Variants in GAS7 observed in about 807,000 individuals in gnomAD.
GAS7 encodes growth arrest-specific protein 7.
A neutral mutation model predicts 71.1 loss-of-function variants in GAS7; 28 were observed. The ratio of observed to expected loss-of-function variants is 0.39; its 90% CI spans 0.29 to 0.54. The LOEUF (loss-of-function observed/expected upper bound fraction) is 0.54, where lower values mean the gene tolerates loss of function less well. Among genes scored for constraint, GAS7 ranks in the 20% least tolerant of loss-of-function variants. The pLI is 0.62. For synonymous variants in GAS7, 258 were observed against 245.8 expected, an observed-to-expected ratio of 1.05 and a Z score of -0.46; for missense variants, 436 against 627.8, an observed-to-expected ratio of 0.69 and a Z score of 3.27.
At chr17:10,154,529 C>T (rs2074190334) in intron 1 of GAS7, among the ~76,000 whole-genome samples, 2 of 151,710 alleles carry the variant, frequency 1.3e-5, no homozygotes, top group African/African-American at 4.8e-5. Context: ...AAAAAATTCA[C>T]AGGCCAGGCA....
intron 1 of GAS7, among the ~76,000 whole-genome samples, chr17:10,135,280 C>T (rs995615187): frequency 2.0e-5 from 3 of 152,164 alleles, no homozygotes; most frequent in Non-Finnish European, 2.9e-5. Flanking sequence ...AATGACCTGG[C>T]GCAGTGGTGG....
intron 1 of GAS7, among the ~76,000 whole-genome samples, chr17:10,044,826 G>A (rs11867661): frequency 0.02 from 3,051 of 151,738 alleles, 97 homozygotes; most frequent in African/African-American, 0.068. Context: ...AGGCCGAGGC[G>A]GGCGGATCAT....
chr17:9,938,706 T>G (rs893036881), intron 8 of GAS7, among the ~76,000 whole-genome samples: 4 of 151,978 alleles, frequency 2.6e-5, no homozygotes, highest in African/African-American at 9.7e-5. Flanking sequence ...TGGGACATCT[T>G]GTGGCAGCCC....
intron 4 of GAS7, among the ~76,000 whole-genome samples, chr17:9,966,554 C>T (rs896720173): frequency 2.6e-5 from 4 of 152,170 alleles, no homozygotes; most frequent in African/African-American, 4.8e-5. Context: ...TGAATCTACT[C>T]GTCTGCATGC....
intron 2 of GAS7, among the ~76,000 whole-genome samples, chr17:10,016,298 T>C (rs1474113291): frequency 7.0e-6 from 1 of 142,406 alleles, no homozygotes. Flanking sequence ...GGCAGGAGAA[T>C]GGCATGAACC....
chr17:9,920,222 T>G (rs892521393), intron 11 of GAS7, among the ~76,000 whole-genome samples: 1 of 151,650 alleles, frequency 6.6e-6, no homozygotes, highest in Non-Finnish European at 1.5e-5. Flanking sequence ...CACTGCAAGA[T>G]GTCCTTCTGA....
At chr17:10,037,027 G>A (rs1415908429) in intron 1 of GAS7, among the ~76,000 whole-genome samples, 1 of 152,192 alleles carries the variant, frequency 6.6e-6, no homozygotes, top group Non-Finnish European at 1.5e-5. Flanking sequence ...GTGAACCCAA[G>A]GCCAGATAAA....
At chr17:10,070,229 T>C (rs1171858463) in intron 1 of GAS7, among the ~76,000 whole-genome samples, 1 of 152,056 alleles carries the variant, frequency 6.6e-6, no homozygotes, top group East Asian at 1.9e-4. Flanking sequence ...CTCTCATTCA[T>C]TCTCATTTAT....
At chr17:10,132,825 G>A (rs1006366949) in intron 1 of GAS7, among the ~76,000 whole-genome samples, 27 of 152,100 alleles carry the variant, frequency 1.8e-4, no homozygotes, top group Admixed American at 1.7e-3. Flanking sequence ...GGCTGGGGGA[G>A]GGGCTTCATT....
At chr17:10,126,113 C>A (rs564593921) in intron 1 of GAS7, among the ~76,000 whole-genome samples, 1 of 152,298 alleles carries the variant, frequency 6.6e-6, no homozygotes, top group Non-Finnish European at 1.5e-5. Context: ...TATTTGGGTT[C>A]CCTGGCCACC....
intron 1 of GAS7, among the ~76,000 whole-genome samples, chr17:10,132,761 TA>T (rs57494644): frequency 0.95 from 142,714 of 150,598 alleles, 67,904 homozygotes; most frequent in Middle Eastern, 0.98. Flanking sequence ...CTGTCTCAAC[TA>T]AAAAAAAAAA....
chr17:10,009,017 A>C (rs546927317), intron 2 of GAS7, among the ~76,000 whole-genome samples: 1 of 152,306 alleles, frequency 6.6e-6, no homozygotes, highest in East Asian at 1.9e-4. Flanking sequence ...GTAACAAAGA[A>C]AAGTTAAAAG....
chr17:10,190,666 G>A (rs1415585458), intron 1 of GAS7, among the ~76,000 whole-genome samples: 1 of 152,082 alleles, frequency 6.6e-6, no homozygotes, highest in African/African-American at 2.4e-5. Context: ...GAGAGGAAAG[G>A]TAAGGGGAGA....
chr17:9,960,691 G>C (rs550631964), intron 4 of GAS7, among the ~76,000 whole-genome samples: 2 of 152,308 alleles, frequency 1.3e-5, no homozygotes, highest in African/African-American at 4.8e-5. Context: ...TCAGAAACCC[G>C]TCAGCAAATT....
intron 2 of GAS7, among the ~76,000 whole-genome samples, chr17:10,000,248 T>A (rs951748053): frequency 7.9e-5 from 12 of 152,174 alleles, no homozygotes; most frequent in African/African-American, 2.7e-4. Flanking sequence ...GCCTGAGAAA[T>A]TGCACATCTA....
chr17:9,919,143 T>C lies in GAS7; in HGVS notation c.1218+483A>G, dbSNP rs1436884300. 6.6e-6 allele frequency among the ~76,000 whole-genome samples: 1 copy of C among 151,020 alleles called. No individual in the cohort carries two copies. Among genetic ancestry groups the C allele is most frequent in the Non-Finnish European group, 1.5e-5 (1 of 67,672 alleles). ...TTACAAGAAATACTCAAGAGCATCA[T>C]CGGCCCTGCCGCCTGTTGTTCACCC... On this transcript the variant is annotated intron_variant, in intron 12 of 13. Transcript: ENST00000432992. The surrounding 1 kb of genome is among the most constrained non-coding windows in gnomAD (Gnocchi z 5.0).
chr17:10,115,285 G>A (rs569508058), intron 1 of GAS7, among the ~76,000 whole-genome samples: 76 of 152,380 alleles, frequency 5.0e-4, no homozygotes, highest in African/African-American at 1.8e-3. Flanking sequence ...AGGGACGGAA[G>A]GAGGGAGGGG....
chr17:9,948,798 G>C (rs1331941231), intron 5 of GAS7, among the ~76,000 whole-genome samples: 1 of 152,170 alleles, frequency 6.6e-6, no homozygotes, highest in Non-Finnish European at 1.5e-5. Flanking sequence ...CTGCAATACT[G>C]CCTGGCTTTT....
intron 1 of GAS7, among the ~76,000 whole-genome samples, chr17:10,064,990 T>G (rs28529633): frequency 7.8e-6 from 1 of 127,770 alleles, no homozygotes; most frequent in Non-Finnish European, 1.7e-5. Context: ...CTAGTGAATT[T>G]ATTTTTTATT....
Sources: gnomAD v4.1 joint callset for allele counts (sites outside exome capture counted in the v4.1 genomes callset) on GRCh38, gnomAD v4.1.1 for gene constraint, Gnocchi (gnomAD v3.1) non-coding constraint, MANE v1.5 for transcripts, NCBI Gene and HGNC (gene_info 2026-07-23, HGNC 2026-07-21) for gene names.